The following RIF1 variants were observed in gnomAD, a reference collection of about 807,000 sequenced individuals.
RIF1 encodes the protein replication timing regulatory factor 1, also known as telomere-associated protein RIF1.
In RIF1, 45 loss-of-function variants were observed where a neutral mutation model predicts 247.1. The ratio of observed to expected loss-of-function variants is 0.18; its 90% CI spans 0.14 to 0.23. The LOEUF is 0.23. RIF1 is among the 10% of genes least tolerant of loss of function. RIF1 has a pLI of 1.00. For synonymous variants in RIF1, 1,087 were observed against 978.8 expected (o/e 1.11, Z -2.06); for missense variants, 2,967 against 2,862.5 (o/e 1.04, Z -0.83).
downstream of RIF1, among the ~76,000 whole-genome samples, chr2:151,511,790 A>G (rs1039021990): frequency 6.6e-6 from 1 of 152,086 alleles, no homozygotes; most frequent in Non-Finnish European, 1.5e-5. Context: ...GAGGGGAGTC[A>G]GGGGTTAGAC....
rs1166249068 is a variant in RIF1, at chr2:151,460,020, T to C, written c.2976T>C (p.Asn992=). The C allele has an allele frequency of 6.5e-7, 1 of 1,547,216 alleles. No individual in the cohort carries two copies. Among genetic ancestry groups the C allele is most frequent in the Admixed American group, 1.9e-5 (1 of 51,930 alleles). ...YSDGTENSQL[N]VKISGMERKS... is the part of the protein sequence containing the mutation. ...AACAGACAGAAAATTCACAACTAAA[T>C]GTGAAGATAAGTGGCATGGAGAGAA... Residue 992 remains asparagine, a synonymous_variant, in exon 26 of 36, where the codon AAT becomes AAC. Coordinates refer to ENST00000444746, the MANE Select transcript of RIF1 (RefSeq NM_018151.5).
At chr2:151,492,007 T>G in intron 9 of RIF1, 1 of 1,342,094 alleles carries the variant, frequency 7.5e-7, no homozygotes, top group Non-Finnish European at 1.0e-6. Context: ...TTGAAGTCCT[T>G]TATGTTTTGA....
chr2:151,522,204 T>C, the RIF1 span, among the ~76,000 whole-genome samples: 9 of 152,222 alleles, frequency 5.9e-5, no homozygotes, highest in Admixed American at 5.2e-4. Flanking sequence ...TCTAATTTTT[T>C]AGCTCCTTTT....
chr2:151,431,160 T>G (rs1457241606), intron 9 of RIF1, among the ~76,000 whole-genome samples: 2 of 152,130 alleles, frequency 1.3e-5, no homozygotes, highest in African/African-American at 2.4e-5. Flanking sequence ...ATGCTGTGGA[T>G]CCGGGAAGTC....
intron 11 of RIF1, among the ~76,000 whole-genome samples, chr2:151,500,193 AAAAAC>A (rs1475814497): frequency 4.6e-5 from 7 of 152,322 alleles, no homozygotes; most frequent in East Asian, 3.9e-4. Context: ...ATAGTAATTA[AAAAAC>A]AAAACAGAAC....
rs1423005381 is a variant in RIF1, at chr2:151,477,068, T to G, written c.*1997T>G. 1 of 152,206 alleles carries G rather than the reference T, an allele frequency of 6.6e-6. No individual in the cohort carries two copies. Among genetic ancestry groups the G allele is most frequent in the Non-Finnish European group, 1.5e-5 (1 of 68,038 alleles). 9.4% of individuals were successfully genotyped at this position (152,206 alleles called of 1,614,324 possible). A position where few individuals can be genotyped will look rare whatever the true frequency, so the allele number is the denominator to read the frequency against. On this transcript the variant is annotated 3_prime_UTR_variant, in exon 36 of 36. Transcript: ENST00000444746. Reference sequence around the variant, plus strand: ...GCACAAGTATTAATTTTAAAAACATTATAGTTTAATAAAGCTGCATTTAAA... The same window carrying G: ...GCACAAGTATTAATTTTAAAAACATGATAGTTTAATAAAGCTGCATTTAAA...
the RIF1 span, chr2:151,532,058 GA>G: frequency 1.7e-6 from 1 of 585,668 alleles, no homozygotes; most frequent in Non-Finnish European, 3.0e-6. Context: ...TAGCAAAAGT[GA>G]AATGGAGTGA....
At chr2:151,435,688 G>A (rs955908249) in intron 11 of RIF1, 108 bp downstream of exon 11, 2 of 578,276 alleles carry the variant, frequency 3.5e-6, no homozygotes, top group Non-Finnish European at 6.1e-6. Context: ...TTTGCTCAGT[G>A]TTTTTCGTTT....
intron 9 of RIF1, among the ~76,000 whole-genome samples, chr2:151,430,665 G>C (rs1689943591): frequency 6.6e-6 from 1 of 151,702 alleles, no homozygotes; most frequent in South Asian, 2.1e-4. Flanking sequence ...TGGGGGCATA[G>C]TTTCCCCCCC....
chr2:151,499,426 A>G, exon 11 of RIF1: 4 of 1,273,900 alleles, frequency 3.1e-6, no homozygotes, highest in Non-Finnish European at 4.4e-6. Context: ...AAAAAACAAG[A>G]GCAGTCAAAA....
chr2:151,505,605 T>C (rs753750022), intron 12 of RIF1: 2 of 1,512,504 alleles, frequency 1.3e-6, no homozygotes, highest in South Asian at 2.2e-5. Context: ...AAAGGTATTA[T>C]TACATGCTGG....
chr2:151,521,268 C>A, the RIF1 span, among the ~76,000 whole-genome samples: 4 of 152,142 alleles, frequency 2.6e-5, no homozygotes, highest in Non-Finnish European at 5.9e-5. Context: ...TTGAATAAAT[C>A]CTCAGTGGAA....
chr2:151,505,656 C>A, intron 12 of RIF1: 1 of 1,146,028 alleles, frequency 8.7e-7, no homozygotes, highest in Admixed American at 1.7e-5. Flanking sequence ...TTTGTAGCCC[C>A]CAAATTAAAA....
chr2:151,483,631 C>T (rs1288931893), downstream of RIF1, among the ~76,000 whole-genome samples: 3 of 152,144 alleles, frequency 2.0e-5, no homozygotes, highest in African/African-American at 7.2e-5. Context: ...GTAAAATGAC[C>T]TAATATTAGC....
chr2:151,455,076 T>G lies in RIF1; in HGVS notation c.2526T>G (p.Leu842=). The G allele has an allele frequency of 1.9e-6, 3 of 1,613,630 alleles. No homozygotes were observed. Among genetic ancestry groups the G allele is most frequent in the Non-Finnish European group, 2.5e-6 (3 of 1,179,590 alleles). ...NSITGIISSV[L]GHISLPSMIR... Reference sequence around the variant, plus strand: ...TCACCGGCATTATTTCCAGTGTACTTGGGCATATTTCTTTGCCTTCTATGA... The same window carrying G: ...TCACCGGCATTATTTCCAGTGTACTGGGGCATATTTCTTTGCCTTCTATGA... The change falls in exon 22 of 36, where the codon CTT becomes CTG. Residue 842 remains leucine, a synonymous_variant. Transcript: ENST00000444746.
At chr2:151,424,474 T>C (rs1688669488) in intron 8 of RIF1, among the ~76,000 whole-genome samples, 1 of 152,240 alleles carries the variant, frequency 6.6e-6, no homozygotes, top group Non-Finnish European at 1.5e-5. Flanking sequence ...AGTAATTGTA[T>C]GTATATAACA....
rs139535635 is a variant in RIF1, at chr2:151,464,068, T to C, written c.4548T>C (p.Asp1516=). 3,567 of 1,613,156 alleles carry C rather than the reference T, an allele frequency of 2.2e-3. 14 individuals carry two copies. Among genetic ancestry groups the C allele is most frequent in the Non-Finnish European group, 2.6e-3 (3,022 of 1,179,786 alleles). The change falls in exon 30 of 36, where the codon GAT becomes GAC. Residue 1516 remains aspartate (D), a synonymous_variant. Transcript: ENST00000444746. ...CTGAGAACATTAAGTCTGAGGGGGA[T>C]GGTACCCAGGACATTGTAGATAAGT... is the stretch of plus-strand genomic sequence containing the variant. ...ADPENIKSEG[D]GTQDIVDKSS... is the part of the protein sequence containing the mutation.
the RIF1 span, among the ~76,000 whole-genome samples, chr2:151,520,926 TCTC>T: frequency 6.6e-6 from 1 of 152,100 alleles, no homozygotes; most frequent in Non-Finnish European, 1.5e-5. Context: ...GACAGAAACA[TCTC>T]CTAATTGAAA....
At position 151,446,451 on chromosome 2, in the gene RIF1, C is replaced by G; in HGVS notation, c.2120C>G (p.Thr707Ser). ...PVATMKTLLR[T>S]WSELYRAFAR... ...GCCACCATGAAGACTTTGCTTAGAA[C>G]TTGGTCAGAATTATATAGAGCATTT... is the stretch of plus-strand genomic sequence containing the variant. Residue 707 changes from threonine (T) to serine (S), a missense_variant, in exon 20 of 36, where the codon ACT becomes AGT. Thr to Ser is a moderately conservative substitution (Grantham distance 58). Transcript: ENST00000444746. 6.2e-7 allele frequency: 1 copy of G among 1,614,094 alleles called. No homozygotes were observed. The highest frequency in any genetic ancestry group is 1.1e-5 in the South Asian group (1 of 91,072).
Sources: allele counts gnomAD v4.1 joint callset (sites outside exome capture counted in the v4.1 genomes callset), GRCh38; gene constraint gnomAD v4.1.1; transcripts MANE v1.5; gene names NCBI Gene and HGNC (gene_info 2026-07-23, HGNC 2026-07-21).